The following PRH1 variants were observed in gnomAD, a reference collection of about 807,000 sequenced individuals.
The protein encoded by PRH1 is salivary acidic proline-rich phosphoprotein 1/2.
PRH1 carries 7 observed loss-of-function variants against 7.9 expected under a neutral mutation model. The ratio of observed to expected loss-of-function variants is 0.89; its 90% CI spans 0.50 to 1.67. PRH1 has a LOEUF of 1.67. PRH1 is among the 40% of genes most tolerant of loss of function. The probability of loss-of-function intolerance (pLI) is 0.00; values close to 1 mark genes in which losing one functional copy is unlikely to be tolerated. For synonymous variants in PRH1, 45 were observed against 80.8 expected, an observed-to-expected ratio of 0.56 and a Z score of 2.38; for missense variants, 109 against 223.6, an observed-to-expected ratio of 0.49 and a Z score of 3.27.
rs565954529 is a variant in PRH1 at position 11,090,642 on chromosome 12, A to T, written n.124-43454T>A. 3.4e-5 allele frequency among the ~76,000 whole-genome samples: 4 copies of T among 117,934 alleles called. 1 individual carries two copies. Among genetic ancestry groups the T allele is most frequent in the African/African-American group, 1.1e-4 (4 of 35,032 alleles). The allele number at this position is 117,934 out of a possible 152,430, so 77.4% of individuals were successfully genotyped here. A position where few individuals can be genotyped will look rare whatever the true frequency, so the allele number is the denominator to read the frequency against. ...CCTCAGTACCGCTTATGGTAGACAT[A>T]CATTAAATTTACTCTGCATATGCTT... On this transcript the variant is annotated intron_variant and non_coding_transcript_variant, in intron 1 of 4. Coordinates refer to the PRH1 transcript ENST00000541977.
At chr12:10,937,464 A>G (rs1485162927) in intron 2 of PRH1, 2 of 152,054 alleles carry the variant, frequency 1.3e-5, no homozygotes, top group African/African-American at 2.4e-5. Flanking sequence ...TAGGAAACAA[A>G]TATTCTCCCT....
chr12:11,170,901 T>C (rs909845841), intron 1 of PRH1, among the ~76,000 whole-genome samples: 2 of 152,128 alleles, frequency 1.3e-5, no homozygotes, highest in Non-Finnish European at 2.9e-5. Context: ...AGGAATCATC[T>C]TGCCCTAATA....
At chr12:11,068,019 CTTTT>C (rs941569005) in intron 1 of PRH1, among the ~76,000 whole-genome samples, 3 of 133,400 alleles carry the variant, frequency 2.2e-5, no homozygotes, top group Admixed American at 7.7e-5. Context: ...TATGTTTCTG[CTTTT>C]TTAACTTTTT....
chr12:10,919,872 T>C, intron 2 of PRH1, among the ~76,000 whole-genome samples: 1 of 151,504 alleles, frequency 6.6e-6, no homozygotes, highest in Admixed American at 6.6e-5. Context: ...ACGGTCTTGC[T>C]CTGTCTCAAA....
At chr12:10,914,281 C>T (rs939876823) in intron 2 of PRH1, among the ~76,000 whole-genome samples, 2 of 152,044 alleles carry the variant, frequency 1.3e-5, no homozygotes, top group African/African-American at 4.8e-5. Flanking sequence ...TACTGTCTAG[C>T]TAAATAGCAA....
chr12:11,148,986 G>C (rs2136419517), intron 1 of PRH1, among the ~76,000 whole-genome samples: 1 of 150,174 alleles, frequency 6.7e-6, no homozygotes, highest in Admixed American at 6.7e-5. Context: ...TCTATTCAGA[G>C]ACTCAACTTC....
intron 1 of PRH1, among the ~76,000 whole-genome samples, chr12:11,055,012 G>A (rs1385982950): frequency 2.5e-4 from 2 of 8,012 alleles, no homozygotes; most frequent in Non-Finnish European, 3.4e-4. Flanking sequence ...CTCAACCTCC[G>A]GAGTAGCTGG....
At chr12:11,171,215 G>C in intron 1 of PRH1, 1 of 462,076 alleles carries the variant, frequency 2.2e-6, no homozygotes, top group Non-Finnish European at 3.5e-6. Context: ...GCACTGCACC[G>C]AGCGGCGGCA....
chr12:11,087,168 C>A lies in PRH1; in HGVS notation n.124-39980G>T, dbSNP rs181656237. Among the ~76,000 whole-genome samples the A allele has an allele frequency of 1.8e-5, 2 of 114,008 alleles. 1 individual carries two copies. The highest frequency in any genetic ancestry group is 4.1e-5 in the Non-Finnish European group (2 of 48,364). The allele number at this position is 114,008 out of a possible 152,430, so 74.8% of individuals were successfully genotyped here. A position where few individuals can be genotyped will look rare whatever the true frequency, so the allele number is the denominator to read the frequency against. ...CCAAGCTGGAGTACAGTGGCACAAT[C>A]ATAGCCCACTGCAGCCTTGAACTCC... On this transcript the variant is annotated intron_variant and non_coding_transcript_variant, in intron 1 of 4. Coordinates refer to the PRH1 transcript ENST00000541977.
At chr12:11,168,727 A>G (rs1947715128) in intron 1 of PRH1, among the ~76,000 whole-genome samples, 1 of 152,230 alleles carries the variant, frequency 6.6e-6, no homozygotes, top group Non-Finnish European at 1.5e-5. Flanking sequence ...AATCTGCTAT[A>G]AAAGCTGAAA....
intron 1 of PRH1, chr12:11,062,235 T>C: frequency 1.9e-6 from 3 of 1,613,130 alleles, no homozygotes; most frequent in East Asian, 4.5e-5. Context: ...TAGCAAAATT[T>C]CCAATCACAA....
intron 1 of PRH1, among the ~76,000 whole-genome samples, chr12:11,056,668 A>G (rs1943373497): frequency 6.6e-6 from 1 of 152,158 alleles, no homozygotes; most frequent in Admixed American, 6.5e-5. Context: ...AAATGCAAAA[A>G]TTAGCCAGGT....
intron 1 of PRH1, among the ~76,000 whole-genome samples, chr12:11,161,133 C>T (rs994819832): frequency 1.6e-4 from 25 of 151,922 alleles, no homozygotes; most frequent in African/African-American, 4.6e-4. Context: ...CTTTTCTGCT[C>T]CTGGCTGCCT....
At chr12:11,137,277 T>G (rs1255886121) in intron 1 of PRH1, among the ~76,000 whole-genome samples, 1 of 152,184 alleles carries the variant, frequency 6.6e-6, no homozygotes, top group Non-Finnish European at 1.5e-5. Context: ...CTTTAAAAGA[T>G]CAAAGAGTAA....
intron 2 of PRH1, among the ~76,000 whole-genome samples, chr12:10,934,170 C>T (rs567552638): frequency 2.6e-4 from 39 of 152,248 alleles, no homozygotes; most frequent in Admixed American, 2.6e-4. Flanking sequence ...GATTATTTTA[C>T]TCTAAGTTAT....
At chr12:10,991,121 G>A (rs1939911159) in intron 1 of PRH1, among the ~76,000 whole-genome samples, 1 of 152,204 alleles carries the variant, frequency 6.6e-6, no homozygotes, top group Admixed American at 6.5e-5. Context: ...ACAGCACACA[G>A]AAAGTAACTA....
chr12:11,043,054 G>A (rs996123845), intron 1 of PRH1, among the ~76,000 whole-genome samples: 5 of 152,050 alleles, frequency 3.3e-5, no homozygotes, highest in Admixed American at 6.6e-5. Flanking sequence ...ATATACTAGC[G>A]AATCAAATTA....
chr12:10,937,511 A>C (rs537623387), intron 2 of PRH1: 1 of 152,112 alleles, frequency 6.6e-6, no homozygotes, highest in Admixed American at 6.6e-5. Context: ...TCAAAGCTAG[A>C]GTCAGTATTA....
intron 2 of PRH1, among the ~76,000 whole-genome samples, chr12:10,944,530 G>T (rs1438533015): frequency 4.6e-5 from 7 of 151,920 alleles, no homozygotes; most frequent in Admixed American, 2.0e-4. Context: ...ATACTCTATG[G>T]TTTTTTGGGC....
Sources: allele counts gnomAD v4.1 joint callset (sites outside exome capture counted in the v4.1 genomes callset), GRCh38; gene constraint gnomAD v4.1.1; transcripts MANE v1.5; gene names NCBI Gene and HGNC (gene_info 2026-07-23, HGNC 2026-07-21).